RNPEP: variants seen among roughly 807,000 people sequenced by gnomAD.
RNPEP encodes the protein arginyl aminopeptidase.
In RNPEP, 57 loss-of-function variants were observed where a neutral mutation model predicts 70.1. That is an observed-to-expected ratio of 0.81 (90% CI 0.66 to 1.01). The LOEUF (loss-of-function observed/expected upper bound fraction) is 1.01. Ranked by LOEUF, RNPEP falls within the 50% of genes least tolerant of loss-of-function variation. RNPEP has a pLI of 0.00. For synonymous variants in RNPEP, 335 were observed against 357.4 expected (o/e 0.94, Z 0.71); for missense variants, 787 against 852.4 (o/e 0.92, Z 0.96).
rs190012193 is a variant in RNPEP, at chr1:201,989,858, G to A, written c.737+327G>A. Among the ~76,000 whole-genome samples, 610 of 139,096 alleles carry A rather than the reference G, an allele frequency of 4.4e-3. 4 individuals are homozygous for A. Among genetic ancestry groups the A allele is most frequent in the Admixed American group, 9.7e-3 (133 of 13,750 alleles). 91.3% of individuals were successfully genotyped at this position (139,096 alleles called of 152,430 possible). On this transcript the variant is annotated intron_variant, in intron 3 of 10. Coordinates refer to ENST00000295640, the MANE Select transcript of RNPEP (RefSeq NM_020216.4). ...GGGAAATGGATTTTTTTTTTTTTTT[G>A]AGATGGAGTCTTGCTGTGTTGCCCA...
chr1:201,984,016 T>C lies in RNPEP; in HGVS notation c.447+903T>C, dbSNP rs1199786361. ...CAAGATCTCGGCTCACTGCAACCTC[T>C]GCGTCGTGGGTTCGAGCGATTCTCG... On this transcript the variant is annotated intron_variant, in intron 1 of 10. Transcript: ENST00000295640. 1.9e-5 allele frequency: 6 copies of C among 321,260 alleles called. No individual in the cohort carries two copies. In the East Asian group the frequency reaches 1.0e-3, roughly 55 times the overall value. 19.9% of individuals were successfully genotyped at this position (321,260 alleles called of 1,614,324 possible).
intron 1 of RNPEP, among the ~76,000 whole-genome samples, chr1:201,988,467 A>C (rs1026920044): frequency 4.0e-5 from 6 of 151,766 alleles, no homozygotes; most frequent in Non-Finnish European, 7.4e-5. Context: ...CAAAAAAAAA[A>C]AAAAAAAAAA....
At position 201,997,430 on chromosome 1, in the gene RNPEP, C is replaced by A; in HGVS notation, c.966C>A (p.Val322=). 1 of 1,614,158 alleles carries A rather than the reference C, an allele frequency of 6.2e-7. No homozygotes were observed. The highest frequency in any genetic ancestry group is 1.1e-5 in the South Asian group (1 of 91,074). The stretch of plus-strand genomic sequence containing the variant: ...CTGGGGACCGCTCCTTGGCAGATGT[C>A]ATCATCCATGAGATCTCCCACAGTT... The part of the protein sequence containing the change: ...LLAGDRSLAD[V]IIHEISHSWF... Residue 322 remains valine, a synonymous_variant, in exon 5 of 11, where the codon GTC becomes GTA. Transcript: ENST00000295640.
chr1:202,005,447 A>T (rs1209804275), intron 10 of RNPEP, 111 bp from the exon 11 acceptor site: 11 of 1,237,646 alleles, frequency 8.9e-6, no homozygotes, highest in Non-Finnish European at 1.2e-5. Context: ...TGATGCCCAC[A>T]TCCCTTTTAG....
At chr1:201,993,708 G>A (rs1683429221) in intron 3 of RNPEP, among the ~76,000 whole-genome samples, 1 of 152,186 alleles carries the variant, frequency 6.6e-6, no homozygotes, top group Non-Finnish European at 1.5e-5. Context: ...GAACCCGGGA[G>A]GTGGAGCTTG....
intron 1 of RNPEP, chr1:201,983,496 C>G (rs1354252829): frequency 5.2e-6 from 7 of 1,345,748 alleles, no homozygotes; most frequent in South Asian, 1.2e-5. Context: ...ACTTAGTGCC[C>G]TCTTGGACTT....
Position 201,982,935 on chromosome 1 carries a change from C to A in RNPEP, c.269C>A (p.Ala90Glu). ...TCGCACCCGTGCCTGGAGGTGACGGCGGCGGCGCTGCGGCGGGAGCGGCCC... is the reference window on the plus strand; with the variant it reads ...TCGCACCCGTGCCTGGAGGTGACGGAGGCGGCGCTGCGGCGGGAGCGGCCC... The part of the protein sequence containing the change: ...LDSHPCLEVT[A>E]AALRRERPGS... The change falls in exon 1 of 11, where the codon GCG (alanine) becomes GAG (glutamate). Residue 90 changes from alanine to glutamate, a missense_variant. Physicochemically the swap from Ala to Glu is moderately radical, Grantham distance 107. Coordinates refer to ENST00000295640, the MANE Select transcript of RNPEP (RefSeq NM_020216.4). 6.7e-7 allele frequency: 1 copy of A among 1,488,146 alleles called. No individual in the cohort carries two copies. Among genetic ancestry groups the A allele is most frequent in the South Asian group, 1.3e-5 (1 of 77,888 alleles). The allele number at this position is 1,488,146 out of a possible 1,614,324, so 92.2% of individuals were successfully genotyped here. A position where few individuals can be genotyped will look rare whatever the true frequency, so the allele number is the denominator to read the frequency against.
chr1:201,988,859 T>C (rs1248427182), intron 1 of RNPEP, 45 bp from the exon 2 acceptor site: 1 of 1,569,438 alleles, frequency 6.4e-7, no homozygotes, highest in South Asian at 1.2e-5. Flanking sequence ...CAGACTGAGC[T>C]CGTGTGGGAG....
rs141861404 is a variant in RNPEP at position 201,992,638 on chromosome 1, C to A, written c.737+3107C>A. 1.9e-3 allele frequency among the ~76,000 whole-genome samples: 291 copies of A among 152,178 alleles called. 1 individual carries two copies. Among genetic ancestry groups the A allele is most frequent in the Non-Finnish European group, 2.8e-3 (190 of 68,008 alleles). ...AGACCCTCCTGACTGGGCTTCCCTC[C>A]CTGGCCCAAGTGTGTGGTTGGTTAC... On this transcript the variant is annotated intron_variant, in intron 3 of 10. Transcript: ENST00000295640.
At chr1:201,987,239 G>A (rs894721744) in intron 1 of RNPEP, among the ~76,000 whole-genome samples, 10 of 151,914 alleles carry the variant, frequency 6.6e-5, no homozygotes, top group Admixed American at 4.6e-4. Flanking sequence ...TCAATCCTGC[G>A]TGTCTTTGAA....
chr1:201,991,509 T>C (rs554005267), intron 3 of RNPEP, among the ~76,000 whole-genome samples: 1 of 152,336 alleles, frequency 6.6e-6, no homozygotes, highest in African/African-American at 2.4e-5. Flanking sequence ...AGGGGAATTA[T>C]GGGTATATCC....
intron 3 of RNPEP, 67 bp from the exon 4 acceptor site, chr1:201,996,080 T>C (rs533732174): frequency 1.2e-5 from 16 of 1,314,032 alleles, no homozygotes; most frequent in Non-Finnish European, 1.7e-5. Context: ...CTACAGGTGC[T>C]TTCAGGATCA....
chr1:202,005,633 G>A lies in RNPEP; in HGVS notation c.1870G>A (p.Glu624Lys). Residue 624 changes from glutamate (E) to lysine (K), a missense_variant, in exon 11 of 11, where the codon GAG (glutamate) becomes AAG (lysine). Coordinates refer to ENST00000295640, the MANE Select transcript of RNPEP (RefSeq NM_020216.4). ...TGAGGTGGCCCAGACCCTCGCCAAG[G>A]AGACTTTTGCATCCACCGCCTCCCA... is the stretch of plus-strand genomic sequence containing the variant. The part of the protein sequence containing the change: ...GSEVAQTLAK[E>K]TFASTASQLH... 6.2e-7 allele frequency: 1 copy of A among 1,614,184 alleles called. No homozygotes were observed. The highest frequency in any genetic ancestry group is 8.5e-7 in the Non-Finnish European group (1 of 1,180,032).
intron 8 of RNPEP, 36 bp downstream of exon 8, chr1:202,001,803 ATAG>A: frequency 1.6e-6 from 2 of 1,236,092 alleles, no homozygotes; most frequent in South Asian, 1.2e-5. Context: ...CTTCTAAAAA[ATAG>A]TAGAGAATGA....
intron 1 of RNPEP, among the ~76,000 whole-genome samples, chr1:201,986,536 C>CTTTCTTTTTTTTT (rs1553303391): frequency 2.2e-4 from 18 of 80,564 alleles, no homozygotes; most frequent in Non-Finnish European, 3.5e-4. Flanking sequence ...CATTTTCTTT[C>CTTTCTTTTTTTTT]TTTTTTTTTT....
rs748761636 is a variant in RNPEP, at chr1:202,001,369, C to T, written c.1205-7C>T. 3.7e-6 allele frequency: 6 copies of T among 1,602,656 alleles called. No homozygotes were observed. Among genetic ancestry groups the T allele is most frequent in the Non-Finnish European group, 4.3e-6 (5 of 1,169,624 alleles). ...GCTCAAATCTTGTCTGCTTTCTCCTCTGCCAGGCGTTGACCCGGACGACAC... is the reference window on the plus strand; with the variant it reads ...GCTCAAATCTTGTCTGCTTTCTCCTTTGCCAGGCGTTGACCCGGACGACAC... On this transcript the variant is annotated splice_region_variant and splice_polypyrimidine_tract_variant and intron_variant, in intron 6 of 10. Coordinates refer to ENST00000295640, the MANE Select transcript of RNPEP (RefSeq NM_020216.4).
intron 4 of RNPEP, among the ~76,000 whole-genome samples, chr1:201,996,937 A>G (rs929202584): frequency 6.6e-6 from 1 of 152,144 alleles, no homozygotes; most frequent in African/African-American, 2.4e-5. Flanking sequence ...ACATCTTCAG[A>G]CTTTAGGCTC....
At chr1:201,997,236 T>C in intron 4 of RNPEP, 83 bp from the exon 5 acceptor site, 1 of 1,036,402 alleles carries the variant, frequency 9.6e-7, no homozygotes, top group Non-Finnish European at 1.5e-6. Context: ...TGTTAGGGCT[T>C]GGAAATAGGC....
In RNPEP at chr1:202,001,737, C is replaced by G; in HGVS notation, c.1396C>G (p.Leu466Val). The change falls in exon 8 of 11, where the codon CTT becomes GTT. Residue 466 changes from leucine (L) to valine (V), a missense_variant. Coordinates refer to ENST00000295640, the MANE Select transcript of RNPEP (RefSeq NM_020216.4). The stretch of plus-strand genomic sequence containing the variant: ...CTTCTACTTGGAATATTTCCCTGAG[C>G]TTAAGAAAAAGAGAGTGGATATCAT... Reference protein sequence around the residue: ...LDFYLEYFPELKKKRVDIIPG... With the variant: ...LDFYLEYFPEVKKKRVDIIPG... 1 of 1,610,688 alleles carries G rather than the reference C, an allele frequency of 6.2e-7. No homozygotes were observed. Among genetic ancestry groups the G allele is most frequent in the Non-Finnish European group, 8.5e-7 (1 of 1,176,996 alleles).
Sources: allele counts gnomAD v4.1 joint callset (sites outside exome capture counted in the v4.1 genomes callset), GRCh38; gene constraint gnomAD v4.1.1; transcripts MANE v1.5; gene names NCBI Gene and HGNC (gene_info 2026-07-23, HGNC 2026-07-21).